Variants in RAB3C observed in about 807,000 individuals in gnomAD.
RAB3C encodes the protein RAB3C, member RAS oncogene family.
RAB3C carries 17 observed loss-of-function variants against 26.4 expected under a neutral mutation model. The observed-to-expected ratio is 0.64, with a 90% CI of 0.44 to 0.97. The LOEUF is 0.97. Ranked by LOEUF, RAB3C falls within the 50% of genes least tolerant of loss-of-function variation. RAB3C has a pLI of 0.00. For missense variants in RAB3C, 242 were observed against 281.9 expected (o/e 0.86, Z 1.01); for synonymous variants, 91 against 95.9 (o/e 0.95, Z 0.30).
intron 1 of RAB3C, among the ~76,000 whole-genome samples, chr5:58,593,180 C>CA (rs1746175619): frequency 6.6e-6 from 1 of 152,040 alleles, no homozygotes; most frequent in African/African-American, 2.4e-5. Flanking sequence ...GTGTCATCTT[C>CA]AGTCTTTTGT....
intron 3 of RAB3C, among the ~76,000 whole-genome samples, chr5:58,747,175 A>G (rs569513705): frequency 6.6e-6 from 1 of 152,206 alleles, no homozygotes; most frequent in African/African-American, 2.4e-5. Context: ...AACAATAAAC[A>G]TAGATTATGA....
At chr5:58,691,266 GTATAATGAAGTTTCTT>G (rs1372430082) in intron 2 of RAB3C, among the ~76,000 whole-genome samples, 2 of 152,162 alleles carry the variant, frequency 1.3e-5, no homozygotes, top group East Asian at 3.9e-4. Flanking sequence ...GTGGGGGAAT[GTATAATGAAGTTTCTT>G]CTGCATTTGT....
At chr5:58,797,870 A>G (rs751274774) in intron 3 of RAB3C, among the ~76,000 whole-genome samples, 1 of 152,182 alleles carries the variant, frequency 6.6e-6, no homozygotes, top group African/African-American at 2.4e-5. Context: ...CTACAACAAC[A>G]TTAAATTGAC....
chr5:58,649,977 T>G (rs2111784301), intron 2 of RAB3C, among the ~76,000 whole-genome samples: 1 of 152,322 alleles, frequency 6.6e-6, no homozygotes, highest in Non-Finnish European at 1.5e-5. Flanking sequence ...TTTCCTCCCC[T>G]GTCTATGGTG....
chr5:58,742,527 A>G (rs949737455), intron 3 of RAB3C, among the ~76,000 whole-genome samples: 2 of 152,208 alleles, frequency 1.3e-5, no homozygotes, highest in African/African-American at 4.8e-5. Context: ...GTTAAGTATA[A>G]TAAAAACTAG....
At chr5:58,754,094 A>C (rs116159843) in intron 3 of RAB3C, among the ~76,000 whole-genome samples, 1 of 152,100 alleles carries the variant, frequency 6.6e-6, no homozygotes, top group African/African-American at 2.4e-5. Context: ...AGAAGTGTAC[A>C]TACATTTTAG....
chr5:58,733,471 T>C (rs1741069451), intron 3 of RAB3C, among the ~76,000 whole-genome samples: 1 of 152,182 alleles, frequency 6.6e-6, no homozygotes, highest in Non-Finnish European at 1.5e-5. Context: ...TTGCCAGATA[T>C]CTATTGGCTT....
intron 1 of RAB3C, among the ~76,000 whole-genome samples, chr5:58,612,532 A>ATATGTATATATATATATGTG (rs1554044134): frequency 1.7e-3 from 151 of 87,186 alleles, no homozygotes; most frequent in African/African-American, 5.9e-3. Flanking sequence ...ATATATATAT[A>ATATGTATATATATATATGTG]TATATATATA....
At chr5:58,709,140 A>G (rs1365391982) in intron 2 of RAB3C, among the ~76,000 whole-genome samples, 1 of 152,256 alleles carries the variant, frequency 6.6e-6, no homozygotes, top group African/African-American at 2.4e-5. Context: ...TAGCAGAGAA[A>G]TTAACCCCTA....
At chr5:58,839,185 G>C (rs1743819110) in intron 4 of RAB3C, among the ~76,000 whole-genome samples, 1 of 151,324 alleles carries the variant, frequency 6.6e-6, no homozygotes, top group African/African-American at 2.4e-5. Context: ...TTTAAATGGA[G>C]AATTTAAGCC....
rs1742681124 is a variant in RAB3C at position 58,797,347 on chromosome 5, AAAAAAAATATG to A, written c.372-27690_372-27680del. 3.0e-3 allele frequency among the ~76,000 whole-genome samples: 18 copies of A among 6,076 alleles called. No homozygotes were observed. In the South Asian group the frequency reaches 0.12, roughly 42 times the overall value. The allele number at this position is 6,076 out of a possible 152,430, so 4.0% of individuals were successfully genotyped here. A position where few individuals can be genotyped will look rare whatever the true frequency, so the allele number is the denominator to read the frequency against. ...TCAGACTCCCTGGAAGACAAAAAAA[AAAAAAAATATG>A]TATATATATAATATATATATATATA... is the stretch of plus-strand genomic sequence containing the variant. On this transcript the variant is annotated intron_variant, in intron 3 of 4. Coordinates refer to ENST00000282878, the MANE Select transcript of RAB3C (RefSeq NM_138453.4).
rs1274837288 is a variant in RAB3C, at chr5:58,816,173, G to A, written c.372-8865G>A. On this transcript the variant is annotated intron_variant, in intron 3 of 4. Coordinates refer to ENST00000282878, the MANE Select transcript of RAB3C (RefSeq NM_138453.4). Reference sequence around the variant, plus strand: ...TTAGTGTCTTAGTAATTCCCCTAGAGCAGGCTCTGAGACAGGAGTTTGCGC... The same window carrying A: ...TTAGTGTCTTAGTAATTCCCCTAGAACAGGCTCTGAGACAGGAGTTTGCGC... 6.6e-5 allele frequency among the ~76,000 whole-genome samples: 10 copies of A among 152,146 alleles called. No individual in the cohort carries two copies. The South Asian group carries it at 2.1e-3, about 32-fold the overall frequency.
intron 3 of RAB3C, among the ~76,000 whole-genome samples, chr5:58,777,703 G>A (rs145112463): frequency 2.6e-3 from 386 of 150,408 alleles, no homozygotes; most frequent in African/African-American, 8.9e-3. Flanking sequence ...CCATTAACTC[G>A]TTATTTACAT....
intron 2 of RAB3C, among the ~76,000 whole-genome samples, chr5:58,677,217 A>G (rs1291794587): frequency 6.6e-6 from 1 of 152,200 alleles, no homozygotes; most frequent in African/African-American, 2.4e-5. Flanking sequence ...TCCTACTTAG[A>G]TATAACATCA....
At chr5:58,618,153 A>C (rs1746864893) in intron 2 of RAB3C, among the ~76,000 whole-genome samples, 1 of 152,158 alleles carries the variant, frequency 6.6e-6, no homozygotes, top group Admixed American at 6.6e-5. Context: ...TGGAAGGAAC[A>C]CTTTAAGTCT....
chr5:58,695,261 C>T (rs1748670296), intron 2 of RAB3C, among the ~76,000 whole-genome samples: 1 of 152,192 alleles, frequency 6.6e-6, no homozygotes, highest in Admixed American at 6.5e-5. Flanking sequence ...TCTGAGGCCT[C>T]TGTTCTGTTC....
chr5:58,689,300 C>T (rs1748513056), intron 2 of RAB3C: 1 of 152,022 alleles, frequency 6.6e-6, no homozygotes, highest in Non-Finnish European at 1.5e-5. Flanking sequence ...GGTGCCAACA[C>T]AATATTTCAC....
rs1579888728 is a variant in RAB3C, at chr5:58,736,763, A to G, written c.371+10643A>G. On this transcript the variant is annotated intron_variant, in intron 3 of 4. Transcript: ENST00000282878. ...ACTATTTCCAAATAAGGTCACGTTCACCGGTCCTGGGGTTATAACGTCAAC... is the reference window on the plus strand; with the variant it reads ...ACTATTTCCAAATAAGGTCACGTTCGCCGGTCCTGGGGTTATAACGTCAAC... 3.3e-5 allele frequency among the ~76,000 whole-genome samples: 5 copies of G among 152,160 alleles called. No individual in the cohort carries two copies. In the South Asian group the frequency reaches 1.0e-3, roughly 32 times the overall value.
intron 4 of RAB3C, among the ~76,000 whole-genome samples, chr5:58,831,429 C>T (rs1011137761): frequency 1.3e-5 from 2 of 152,166 alleles, no homozygotes; most frequent in African/African-American, 4.8e-5. Context: ...ACTTCCCCAA[C>T]TAATAAACTG....
Sources: gnomAD v4.1 joint callset for allele counts (sites outside exome capture counted in the v4.1 genomes callset) on GRCh38, gnomAD v4.1.1 for gene constraint, MANE v1.5 for transcripts, NCBI Gene and HGNC (gene_info 2026-07-23, HGNC 2026-07-21) for gene names.